The following PLEKHG1 variants were observed in gnomAD, a reference collection of about 807,000 sequenced individuals.
PLEKHG1 encodes pleckstrin homology and RhoGEF domain containing G1.
PLEKHG1 carries 44 observed loss-of-function variants against 100.8 expected under a neutral mutation model. The observed-to-expected ratio is 0.44, with a 90% CI of 0.34 to 0.56. The LOEUF is 0.56. Ranked by LOEUF, PLEKHG1 falls within the 20% of genes least tolerant of loss-of-function variation. PLEKHG1 has a pLI of 0.01. For missense variants in PLEKHG1, 1,545 were observed against 1,720.9 expected, an observed-to-expected ratio of 0.90 and a Z score of 1.81; for synonymous variants, 640 against 662.5, an observed-to-expected ratio of 0.97 and a Z score of 0.52.
chr6:150,762,479 A>G (rs753146783), intron 2 of PLEKHG1, among the ~76,000 whole-genome samples: 8 of 151,916 alleles, frequency 5.3e-5, no homozygotes, highest in Non-Finnish European at 8.8e-5. Flanking sequence ...GATTACAGGC[A>G]TGAGCCACTG....
At chr6:150,834,881 G>A (rs946071850) in intron 15 of PLEKHG1, among the ~76,000 whole-genome samples, 3 of 152,168 alleles carry the variant, frequency 2.0e-5, no homozygotes, top group Non-Finnish European at 2.9e-5. Flanking sequence ...TCCACACCTC[G>A]TCCAGCTGGG....
intron 2 of PLEKHG1, among the ~76,000 whole-genome samples, chr6:150,646,993 C>T (rs1333744199): frequency 6.6e-6 from 1 of 152,160 alleles, no homozygotes; most frequent in African/African-American, 2.4e-5. Flanking sequence ...CACTTTGTTT[C>T]CTTGTTTCTT....
At chr6:150,731,951 G>A (rs1010815050) in intron 1 of PLEKHG1, among the ~76,000 whole-genome samples, 17 of 139,696 alleles carry the variant, frequency 1.2e-4, no homozygotes, top group Non-Finnish European at 2.4e-4. Context: ...AATGCTGTGG[G>A]TATTAAGTGA....
intron 3 of PLEKHG1, among the ~76,000 whole-genome samples, chr6:150,715,152 T>C (rs1404260528): frequency 6.6e-6 from 1 of 152,202 alleles, no homozygotes; most frequent in Non-Finnish European, 1.5e-5. Context: ...CCACTAAAAT[T>C]ATTTCACTTT....
chr6:150,745,248 G>T (rs1051864203), intron 2 of PLEKHG1, among the ~76,000 whole-genome samples: 7 of 152,216 alleles, frequency 4.6e-5, no homozygotes, highest in African/African-American at 1.7e-4. Context: ...AATGGCATTT[G>T]TGTATCTAAG....
At chr6:150,791,275 G>T (rs980012058) in intron 4 of PLEKHG1, among the ~76,000 whole-genome samples, 1 of 152,130 alleles carries the variant, frequency 6.6e-6, no homozygotes, top group African/African-American at 2.4e-5. Flanking sequence ...AACATGATTT[G>T]TTTATCTAGG....
intron 15 of PLEKHG1, among the ~76,000 whole-genome samples, chr6:150,834,204 C>T (rs530834378): frequency 3.4e-4 from 51 of 152,180 alleles, no homozygotes; most frequent in Non-Finnish European, 5.6e-4. Flanking sequence ...TTCTCCTTGC[C>T]ATGATGCACT....
intron 3 of PLEKHG1, among the ~76,000 whole-genome samples, chr6:150,774,729 G>A (rs566906671): frequency 1.3e-5 from 2 of 151,566 alleles, no homozygotes; most frequent in South Asian, 2.1e-4. Flanking sequence ...TTGTAGAGAC[G>A]GGGTTTCACT....
At chr6:150,804,068 G>GTT (rs1180240879) in intron 6 of PLEKHG1, among the ~76,000 whole-genome samples, 1 of 102,416 alleles carries the variant, frequency 9.8e-6, no homozygotes, top group Non-Finnish European at 2.0e-5. Context: ...TCCTATCCTT[G>GTT]TTTTTTTTTT....
rs368596010 is a variant in PLEKHG1, at chr6:150,831,303, C to T, written c.2192C>T (p.Thr731Met). ...GGTGGAGAGGCATCCAGCCAAAGCA[C>T]GCATGAACTCCAAGCGGTTGAGGAG... Residue 731 changes from threonine (T) to methionine (M), a missense_variant, in exon 15 of 16, where the codon ACG becomes ATG. Transcript: ENST00000358517. The surrounding 1 kb of genome is among the most constrained non-coding windows in gnomAD (Gnocchi z 4.1). 16 of 1,614,096 alleles carry T rather than the reference C, an allele frequency of 9.9e-6. No homozygotes were observed. The highest frequency in any genetic ancestry group is 4.0e-5 in the African/African-American group (3 of 75,026).
At chr6:150,787,620 G>A (rs188401071) in intron 4 of PLEKHG1, among the ~76,000 whole-genome samples, 87 of 152,316 alleles carry the variant, frequency 5.7e-4, no homozygotes, top group African/African-American at 1.9e-3. Context: ...CGCGGAGTCC[G>A]GTGTGAACTG....
At chr6:150,838,401 T>C (rs1399293779) in intron 15 of PLEKHG1, among the ~76,000 whole-genome samples, 1 of 152,230 alleles carries the variant, frequency 6.6e-6, no homozygotes, top group African/African-American at 2.4e-5. Flanking sequence ...AAGGGTTTTT[T>C]TTATTTTGAG....
intron 3 of PLEKHG1, among the ~76,000 whole-genome samples, chr6:150,712,781 G>A (rs1183367624): frequency 6.6e-6 from 1 of 152,226 alleles, no homozygotes; most frequent in Non-Finnish European, 1.5e-5. Flanking sequence ...GATGAAAGAT[G>A]AGTCCGACTG....
rs71554473 is a variant in PLEKHG1, at chr6:150,641,876, CAAA to C, written c.-158+3772_-158+3774del. Among the ~76,000 whole-genome samples the C allele has an allele frequency of 7.6e-3, 582 of 76,814 alleles. 4 individuals are homozygous for C. The highest frequency in any genetic ancestry group is 0.027 in the African/African-American group (512 of 18,774). 50.4% of individuals were successfully genotyped at this position (76,814 alleles called of 152,430 possible). Reference sequence around the variant, plus strand: ...GTTTTACTTGACTGATGTGAAAAGGCAAAAAAAAAAAAAAAAAAAAAAAGCAAA... The same window carrying C: ...GTTTTACTTGACTGATGTGAAAAGGCAAAAAAAAAAAAAAAAAAAAGCAAA... On this transcript the variant is annotated intron_variant, in intron 2 of 3. Coordinates refer to the PLEKHG1 transcript ENST00000367326.
At chr6:150,688,413 C>T (rs970086522) in intron 3 of PLEKHG1, among the ~76,000 whole-genome samples, 5 of 152,040 alleles carry the variant, frequency 3.3e-5, no homozygotes, top group African/African-American at 9.7e-5. Context: ...CTCCGCCTCC[C>T]GGGTTCAAGT....
intron 3 of PLEKHG1, among the ~76,000 whole-genome samples, chr6:150,699,660 TCACTTAAGCCTCAGAA>T (rs1299603086): frequency 6.6e-6 from 1 of 152,146 alleles, no homozygotes; most frequent in Non-Finnish European, 1.5e-5. Flanking sequence ...GCCTATTAAA[TCACTTAAGCCTCAGAA>T]CACCCCGCGA....
At chr6:150,788,371 G>C (rs773638511) in intron 4 of PLEKHG1, among the ~76,000 whole-genome samples, 8 of 152,176 alleles carry the variant, frequency 5.3e-5, no homozygotes, top group Non-Finnish European at 1.0e-4. Context: ...TAATTGGGAG[G>C]CCGTTAATGA....
At chr6:150,806,331 C>T (rs1165138486) in intron 7 of PLEKHG1, among the ~76,000 whole-genome samples, 1 of 151,354 alleles carries the variant, frequency 6.6e-6, no homozygotes, top group African/African-American at 2.4e-5. Flanking sequence ...AGTCATCCCC[C>T]CTATCCGCAG....
At chr6:150,835,366 C>A (rs1398390246) in intron 15 of PLEKHG1, among the ~76,000 whole-genome samples, 1 of 152,072 alleles carries the variant, frequency 6.6e-6, no homozygotes, top group Non-Finnish European at 1.5e-5. Context: ...AGGGAAGGCA[C>A]AATTTTATGC....
Sources: allele counts gnomAD v4.1 joint callset (sites outside exome capture counted in the v4.1 genomes callset), GRCh38; gene constraint gnomAD v4.1.1; non-coding constraint Gnocchi (gnomAD v3.1); transcripts MANE v1.5; gene names NCBI Gene and HGNC (gene_info 2026-07-23, HGNC 2026-07-21).